Variants in DLGAP1 observed in about 807,000 individuals in gnomAD.
DLGAP1 encodes disks large-associated protein 1.
In DLGAP1, 11 loss-of-function variants were observed where a neutral mutation model predicts 90.8. That is an observed-to-expected ratio of 0.12 (90% CI 0.08 to 0.20). The LOEUF (loss-of-function observed/expected upper bound fraction) is 0.20, where lower values mean the gene tolerates loss of function less well. Ranked by LOEUF, DLGAP1 falls within the 10% of genes least tolerant of loss-of-function variation. DLGAP1 has a pLI of 1.00. For synonymous variants in DLGAP1, 558 were observed against 540.7 expected, an observed-to-expected ratio of 1.03 and a Z score of -0.44; for missense variants, 1,050 against 1,333.8, an observed-to-expected ratio of 0.79 and a Z score of 3.31.
At chr18:3,930,523 G>A (rs566541629) in intron 3 of DLGAP1, among the ~76,000 whole-genome samples, 8 of 152,264 alleles carry the variant, frequency 5.3e-5, no homozygotes, top group Admixed American at 2.6e-4. Context: ...GGATCTGAGC[G>A]TGTCCTGCAA....
At chr18:3,837,092 C>G (rs778371286) in intron 4 of DLGAP1, among the ~76,000 whole-genome samples, 1 of 152,180 alleles carries the variant, frequency 6.6e-6, no homozygotes, top group Non-Finnish European at 1.5e-5. Flanking sequence ...GAAAATGGCA[C>G]AGGGATTTTG....
Position 4,210,838 on chromosome 18 carries a change from G to A in DLGAP1, c.-266-59551C>T, listed in dbSNP as rs186463268. ...GACAATACTGATGTGTAAAGAGAAC[G>A]TCTCATCTAGTTTAACCCTTTCGTT... On this transcript the variant is annotated intron_variant, in intron 1 of 12. Coordinates refer to ENST00000315677, the MANE Select transcript of DLGAP1 (RefSeq NM_004746.4). Among the ~76,000 whole-genome samples, 354 of 152,264 alleles carry A rather than the reference G, an allele frequency of 2.3e-3. 3 individuals are homozygous for A. The highest frequency in any genetic ancestry group is 4.7e-3 in the Admixed American group (72 of 15,276).
At chr18:4,198,902 CCT>C (rs1363524363) in intron 1 of DLGAP1, among the ~76,000 whole-genome samples, 1 of 152,166 alleles carries the variant, frequency 6.6e-6, no homozygotes, top group Non-Finnish European at 1.5e-5. Context: ...AATGCCACAA[CCT>C]CTGTGGCTCA....
At chr18:4,138,736 G>C (rs1011220801) in intron 2 of DLGAP1, among the ~76,000 whole-genome samples, 4 of 151,952 alleles carry the variant, frequency 2.6e-5, no homozygotes, top group African/African-American at 9.7e-5. Context: ...TTGTATGTTT[G>C]TTAAAATTCA....
intron 7 of DLGAP1, among the ~76,000 whole-genome samples, chr18:3,628,003 C>G (rs538865393): frequency 6.6e-6 from 1 of 151,056 alleles, no homozygotes; most frequent in African/African-American, 2.4e-5. Flanking sequence ...CACAGCCTCC[C>G]GAGTAGCTGG....
At chr18:3,968,140 A>G (rs925931096) in intron 3 of DLGAP1, among the ~76,000 whole-genome samples, 1 of 152,234 alleles carries the variant, frequency 6.6e-6, no homozygotes, top group African/African-American at 2.4e-5. Context: ...TGAAGGAGAC[A>G]TAACTGCTCT....
At chr18:3,892,272 A>G (rs1480900419) in intron 3 of DLGAP1, among the ~76,000 whole-genome samples, 3 of 151,986 alleles carry the variant, frequency 2.0e-5, no homozygotes, top group African/African-American at 7.2e-5. Context: ...CTTTTTCAAT[A>G]TAATCTAAGC....
chr18:3,543,168 T>G (rs1186765820), intron 9 of DLGAP1, among the ~76,000 whole-genome samples: 1 of 36,344 alleles, frequency 2.8e-5, no homozygotes, highest in African/African-American at 4.1e-5. Flanking sequence ...TGACTCCAAT[T>G]TTTTTTTTTT....
chr18:3,704,953 A>T (rs925673148), intron 7 of DLGAP1, among the ~76,000 whole-genome samples: 3 of 152,236 alleles, frequency 2.0e-5, no homozygotes, highest in African/African-American at 7.2e-5. Flanking sequence ...ACATGAATAC[A>T]TGCAAAAGCA....
rs141199786 is a variant in DLGAP1, at chr18:4,382,194, G to A, written c.-267+72812C>T. Among the ~76,000 whole-genome samples, 149 of 152,166 alleles carry A rather than the reference G, an allele frequency of 9.8e-4. 1 individual carries two copies. Among genetic ancestry groups the A allele is most frequent in the Non-Finnish European group, 1.1e-3 (73 of 67,996 alleles). Reference sequence around the variant, plus strand: ...TTGTTCTTATGTCACCCAGTACAGCGGAATGGCTAAGAGTCAGACTCTGCA... The same window carrying A: ...TTGTTCTTATGTCACCCAGTACAGCAGAATGGCTAAGAGTCAGACTCTGCA... On this transcript the variant is annotated intron_variant, in intron 1 of 12. Transcript: ENST00000315677.
intron 6 of DLGAP1, among the ~76,000 whole-genome samples, chr18:3,741,985 G>T (rs1483297034): frequency 6.6e-6 from 1 of 152,090 alleles, no homozygotes; most frequent in Non-Finnish European, 1.5e-5. Flanking sequence ...TGGGATCACA[G>T]ATGGGTGCCA....
chr18:4,137,290 C>T, intron 2 of DLGAP1, among the ~76,000 whole-genome samples: 1 of 152,014 alleles, frequency 6.6e-6, no homozygotes, highest in Non-Finnish European at 1.5e-5. Flanking sequence ...TTTCTTAATC[C>T]AGTCTTTGTA....
At chr18:4,220,645 T>C (rs1474014677) in intron 1 of DLGAP1, among the ~76,000 whole-genome samples, 1 of 152,170 alleles carries the variant, frequency 6.6e-6, no homozygotes, top group Non-Finnish European at 1.5e-5. Context: ...TGTTCTCCAT[T>C]GACATGGTAA....
intron 1 of DLGAP1, among the ~76,000 whole-genome samples, chr18:4,151,504 CAAT>C (rs1287005085): frequency 5.3e-5 from 8 of 151,994 alleles, no homozygotes; most frequent in African/African-American, 1.9e-4. Context: ...AGAAAAAAAA[CAAT>C]GTTGCTGTAA....
chr18:4,379,393 A>G (rs2082074736), intron 1 of DLGAP1, among the ~76,000 whole-genome samples: 1 of 152,116 alleles, frequency 6.6e-6, no homozygotes, highest in African/African-American at 2.4e-5. Context: ...ATTTTCTTAG[A>G]GAAGCTAATT....
chr18:4,101,221 C>T (rs1306719434), intron 2 of DLGAP1, among the ~76,000 whole-genome samples: 7 of 152,090 alleles, frequency 4.6e-5, no homozygotes, highest in African/African-American at 7.2e-5. Flanking sequence ...TTCACTTGCA[C>T]GCTTAGAGGC....
chr18:4,397,440 C>A (rs559406998), intron 1 of DLGAP1, among the ~76,000 whole-genome samples: 1 of 152,248 alleles, frequency 6.6e-6, no homozygotes, highest in Non-Finnish European at 1.5e-5. Flanking sequence ...TGAAACCACA[C>A]TTTATATCAA....
At chr18:4,274,439 A>C (rs1218682285) in intron 1 of DLGAP1, among the ~76,000 whole-genome samples, 2 of 152,110 alleles carry the variant, frequency 1.3e-5, no homozygotes, top group East Asian at 3.9e-4. Flanking sequence ...TATATGGTCC[A>C]TTCTGGAAAA....
Position 3,913,347 on chromosome 18 carries a change from A to G in DLGAP1, c.-72-33207T>C, listed in dbSNP as rs376734531. 9.1e-4 allele frequency among the ~76,000 whole-genome samples: 138 copies of G among 152,268 alleles called. 3 individuals carry two copies. The South Asian group carries it at 0.016, about 18-fold the overall frequency. On this transcript the variant is annotated intron_variant, in intron 3 of 12. Coordinates refer to ENST00000315677, the MANE Select transcript of DLGAP1 (RefSeq NM_004746.4). ...AAGCAATGCTCCCACCTTGGCCTCT[A>G]AAAGTGTTATAGGATTACAGACGTG...
Sources: gnomAD v4.1 joint callset for allele counts (sites outside exome capture counted in the v4.1 genomes callset) on GRCh38, gnomAD v4.1.1 for gene constraint, MANE v1.5 for transcripts, NCBI Gene and HGNC (gene_info 2026-07-23, HGNC 2026-07-21) for gene names.